Variants in NCAM1 observed in about 807,000 individuals in gnomAD.
NCAM1 encodes neural cell adhesion molecule 1.
A neutral mutation model predicts 109.8 loss-of-function variants in NCAM1; 14 were observed. The ratio of observed to expected loss-of-function variants is 0.13; its 90% CI spans 0.08 to 0.20. The LOEUF is 0.20. Ranked by LOEUF, NCAM1 falls within the 10% of genes least tolerant of loss-of-function variation. The probability of loss-of-function intolerance (pLI) is 1.00; values close to 1 mark genes in which losing one functional copy is unlikely to be tolerated. For missense variants in NCAM1, 774 were observed against 1,109.9 expected (o/e 0.70, Z 4.30); for synonymous variants, 418 against 442.9 (o/e 0.94, Z 0.70).
chr11:113,046,320 G>T (rs1555080800), intron 1 of NCAM1, among the ~76,000 whole-genome samples: 1 of 152,208 alleles, frequency 6.6e-6, no homozygotes, highest in Non-Finnish European at 1.5e-5. Flanking sequence ...CGTAAGAGAG[G>T]AGGGTGGGCT....
chr11:113,235,657 A>G (rs1555118149), intron 14 of NCAM1, among the ~76,000 whole-genome samples: 1 of 152,230 alleles, frequency 6.6e-6, no homozygotes. Context: ...GCAGCAGCAG[A>G]AACCCAGCAA....
intron 1 of NCAM1, among the ~76,000 whole-genome samples, chr11:113,066,434 A>T (rs1218125022): frequency 3.3e-5 from 5 of 152,186 alleles, no homozygotes; most frequent in Non-Finnish European, 4.4e-5. Flanking sequence ...TATTGCATCC[A>T]TCCAGGATTG....
chr11:113,131,769 G>T (rs1941394298), intron 1 of NCAM1, among the ~76,000 whole-genome samples: 1 of 152,188 alleles, frequency 6.6e-6, no homozygotes, highest in Non-Finnish European at 1.5e-5. Flanking sequence ...CGAGCAGGTG[G>T]TTTTAGGGGC....
intron 1 of NCAM1, among the ~76,000 whole-genome samples, chr11:113,140,599 AT>A (rs1452882023): frequency 6.6e-6 from 1 of 152,082 alleles, no homozygotes; most frequent in African/African-American, 2.4e-5. Context: ...TGTATATTGG[AT>A]TTTTTGACCC....
intron 1 of NCAM1, among the ~76,000 whole-genome samples, chr11:113,030,253 T>C (rs1307851136): frequency 1.3e-5 from 2 of 152,208 alleles, no homozygotes; most frequent in African/African-American, 4.8e-5. Flanking sequence ...CTTGTTATTG[T>C]TACTAAAGTG....
At chr11:113,131,058 C>T (rs782608835) in intron 1 of NCAM1, among the ~76,000 whole-genome samples, 13 of 152,186 alleles carry the variant, frequency 8.5e-5, no homozygotes, top group African/African-American at 1.7e-4. Flanking sequence ...CGGTTAGTAA[C>T]GGCTTGACCT....
intron 1 of NCAM1, among the ~76,000 whole-genome samples, chr11:113,144,834 G>A (rs1316296914): frequency 2.0e-5 from 3 of 152,154 alleles, no homozygotes; most frequent in African/African-American, 7.2e-5. Context: ...AAAGAGCCTG[G>A]GGCATAATAG....
intron 15 of NCAM1, among the ~76,000 whole-genome samples, chr11:113,247,915 G>A (rs2137468469): frequency 6.6e-6 from 1 of 152,314 alleles, no homozygotes; most frequent in East Asian, 1.9e-4. Flanking sequence ...TGACTGTTCA[G>A]TAGCTGATGT....
At chr11:113,017,335 T>A (rs1280483653) in intron 1 of NCAM1, among the ~76,000 whole-genome samples, 2 of 152,230 alleles carry the variant, frequency 1.3e-5, no homozygotes, top group African/African-American at 4.8e-5. Flanking sequence ...CAAACTTTTT[T>A]AAAAGGCAGA....
intron 1 of NCAM1, among the ~76,000 whole-genome samples, chr11:113,073,037 C>T (rs1017158426): frequency 5.9e-5 from 9 of 152,108 alleles, no homozygotes; most frequent in South Asian, 2.1e-4. Flanking sequence ...CCCTGGCAAC[C>T]GCCGTTCTAC....
chr11:113,013,263 C>T (rs1555074786), intron 1 of NCAM1, among the ~76,000 whole-genome samples: 2 of 151,528 alleles, frequency 1.3e-5, no homozygotes, highest in African/African-American at 2.4e-5. Flanking sequence ...CCCATATCTA[C>T]GAAAATATCA....
chr11:113,210,954 A>C (rs1205769261), intron 7 of NCAM1, among the ~76,000 whole-genome samples: 1 of 152,222 alleles, frequency 6.6e-6, no homozygotes, highest in African/African-American at 2.4e-5. Flanking sequence ...GAGTCCACAC[A>C]GAATGGGAAT....
Position 113,277,274 on chromosome 11 carries a change from A to G in NCAM1, c.*1887A>G, listed in dbSNP as rs1555126799. ...CTGCAGTCTGATCAGTGGCGATGCT[A>G]GATTATAATTTCAAACTGTGAAGAA... is the stretch of plus-strand genomic sequence containing the variant. On this transcript the variant is annotated 3_prime_UTR_variant, in exon 20 of 20. Coordinates refer to ENST00000316851, the MANE Select transcript of NCAM1 (RefSeq NM_181351.5). The G allele has an allele frequency of 5.0e-6, 2 of 398,836 alleles. No homozygotes were observed. The allele number at this position is 398,836 out of a possible 1,614,324, so 24.7% of individuals were successfully genotyped here. A position where few individuals can be genotyped will look rare whatever the true frequency, so the allele number is the denominator to read the frequency against.
At chr11:112,983,172 A>G (rs1186098391) in intron 1 of NCAM1, among the ~76,000 whole-genome samples, 6 of 151,920 alleles carry the variant, frequency 3.9e-5, no homozygotes, top group African/African-American at 1.4e-4. Context: ...TTCTCTTTTT[A>G]ATTCACTCTG....
chr11:113,096,478 T>TA (rs1939602917), intron 1 of NCAM1, among the ~76,000 whole-genome samples: 1 of 152,106 alleles, frequency 6.6e-6, no homozygotes, highest in Non-Finnish European at 1.5e-5. Flanking sequence ...ACGTTCAGGT[T>TA]AATGCGGACA....
intron 1 of NCAM1, among the ~76,000 whole-genome samples, chr11:113,111,664 C>A (rs1236888675): frequency 6.6e-6 from 1 of 152,136 alleles, no homozygotes; most frequent in African/African-American, 2.4e-5. Flanking sequence ...GTAAATTATT[C>A]CTCAGTAAAC....
At chr11:113,149,804 T>G (rs1046283022) in intron 1 of NCAM1, among the ~76,000 whole-genome samples, 10 of 152,256 alleles carry the variant, frequency 6.6e-5, no homozygotes, top group Non-Finnish European at 1.2e-4. Context: ...TAATGCAGTT[T>G]CTATGGAAAA....
At chr11:113,045,496 C>T (rs1953233353) in intron 1 of NCAM1, among the ~76,000 whole-genome samples, 1 of 152,170 alleles carries the variant, frequency 6.6e-6, no homozygotes, top group Non-Finnish European at 1.5e-5. Context: ...CTCCCTAAAA[C>T]AGCCCTCTGG....
intron 15 of NCAM1, 135 bp from the exon 16 acceptor site, chr11:113,255,742 T>C: frequency 9.9e-7 from 1 of 1,014,462 alleles, no homozygotes. Context: ...TTTATATTTA[T>C]TGCTTTTTAA....
Sources: gnomAD v4.1 joint callset for allele counts (sites outside exome capture counted in the v4.1 genomes callset) on GRCh38, gnomAD v4.1.1 for gene constraint, MANE v1.5 for transcripts, NCBI Gene and HGNC (gene_info 2026-07-23, HGNC 2026-07-21) for gene names.